NXPH1: variants seen among roughly 807,000 people sequenced by gnomAD.
NXPH1 encodes the protein neurexophilin 1, also known as neurexophilin-1.
In NXPH1, 5 loss-of-function variants were observed where a neutral mutation model predicts 23.7. That is an observed-to-expected ratio of 0.21 (90% CI 0.11 to 0.44). NXPH1 has a LOEUF of 0.44. Among genes scored for constraint, NXPH1 ranks in the 20% least tolerant of loss-of-function variants. The pLI is 0.99. For synonymous variants in NXPH1, 144 were observed against 122.2 expected, an observed-to-expected ratio of 1.18 and a Z score of -1.18; for missense variants, 324 against 321.6, an observed-to-expected ratio of 1.01 and a Z score of -0.06.
At chr7:8,688,939 T>C (rs1271116529) in intron 2 of NXPH1, among the ~76,000 whole-genome samples, 5 of 152,146 alleles carry the variant, frequency 3.3e-5, no homozygotes, top group Non-Finnish European at 5.9e-5. Context: ...TCTGTTAATG[T>C]TTCTAGGTAC....
At chr7:8,519,969 GA>G (rs1296889436) in intron 2 of NXPH1, among the ~76,000 whole-genome samples, 1 of 152,054 alleles carries the variant, frequency 6.6e-6, no homozygotes, top group African/African-American at 2.4e-5. Context: ...AGTAGCTACA[GA>G]TAAATTTCTA....
chr7:8,550,801 T>C (rs1235362167), intron 2 of NXPH1, among the ~76,000 whole-genome samples: 2 of 151,522 alleles, frequency 1.3e-5, no homozygotes, highest in African/African-American at 2.4e-5. Flanking sequence ...GGTTGTTACA[T>C]ATTTTTAAAT....
chr7:8,642,944 A>C (rs1280636688), intron 2 of NXPH1, among the ~76,000 whole-genome samples: 1 of 151,932 alleles, frequency 6.6e-6, no homozygotes, highest in Non-Finnish European at 1.5e-5. Context: ...GGTTCACCAC[A>C]ACCTCCATCT....
intron 2 of NXPH1, among the ~76,000 whole-genome samples, chr7:8,572,688 A>C (rs997131260): frequency 1.2e-4 from 19 of 152,098 alleles, no homozygotes; most frequent in Admixed American, 4.6e-4. Context: ...CATCTAATAC[A>C]TAATGGAAAC....
chr7:8,750,252 T>G (rs912311884), intron 2 of NXPH1, among the ~76,000 whole-genome samples: 2 of 152,338 alleles, frequency 1.3e-5, no homozygotes, highest in East Asian at 3.9e-4. Context: ...CTAATATGAC[T>G]GTAATATGGA....
At chr7:8,710,135 T>C (rs111654913) in intron 2 of NXPH1, among the ~76,000 whole-genome samples, 5,376 of 152,274 alleles carry the variant, frequency 0.035, 249 homozygotes, top group African/African-American at 0.11. Context: ...AGCATCAGAA[T>C]TGGTTTTAAG....
chr7:8,748,447 A>G (rs1780509068), intron 2 of NXPH1, among the ~76,000 whole-genome samples: 1 of 152,184 alleles, frequency 6.6e-6, no homozygotes, highest in Non-Finnish European at 1.5e-5. Flanking sequence ...ATTTGACTCC[A>G]CAGCAGGGTG....
chr7:8,672,416 C>T lies in NXPH1; in HGVS notation c.55-78592C>T, dbSNP rs980008190. On this transcript the variant is annotated intron_variant, in intron 2 of 2. Transcript: ENST00000405863. ...AGCACACCAGTATGGCACATGTATA[C>T]ATATGTAACTAACCTGCACATTGTG... 2.0e-4 allele frequency among the ~76,000 whole-genome samples: 31 copies of T among 151,828 alleles called. 2 individuals carry two copies. The highest frequency in any genetic ancestry group is 7.0e-4 in the African/African-American group (29 of 41,370).
intron 2 of NXPH1, among the ~76,000 whole-genome samples, chr7:8,680,094 C>T (rs1821027919): frequency 6.6e-6 from 1 of 152,254 alleles, no homozygotes; most frequent in African/African-American, 2.4e-5. Flanking sequence ...GACCTGATTA[C>T]TCTCATCAAC....
chr7:8,646,471 TA>T (rs1820401766), intron 2 of NXPH1, among the ~76,000 whole-genome samples: 1 of 152,184 alleles, frequency 6.6e-6, no homozygotes, highest in South Asian at 2.1e-4. Flanking sequence ...TCTTGTCTGA[TA>T]TTCCTGGCTA....
chr7:8,571,494 T>TTTCTTGC (rs1489057059), intron 2 of NXPH1, among the ~76,000 whole-genome samples: 39 of 151,788 alleles, frequency 2.6e-4, no homozygotes, highest in African/African-American at 9.4e-4. Flanking sequence ...ACATGGAAGA[T>TTTCTTGC]CCATAAGAAA....
intron 2 of NXPH1, among the ~76,000 whole-genome samples, chr7:8,629,632 C>T (rs906654130): frequency 3.9e-5 from 6 of 152,094 alleles, no homozygotes; most frequent in Admixed American, 3.9e-4. Context: ...GGAAATAACT[C>T]CATAGTATTG....
intron 2 of NXPH1, among the ~76,000 whole-genome samples, chr7:8,702,039 GAA>G (rs57766744): frequency 0.35 from 49,563 of 142,804 alleles, 8,404 homozygotes; most frequent in East Asian, 0.46. Flanking sequence ...CCCAATTAAA[GAA>G]AAAAAAAAAA....
Position 8,751,599 on chromosome 7 carries a change from A to G in NXPH1, c.646A>G (p.Lys216Glu). The G allele has an allele frequency of 6.2e-7, 1 of 1,613,632 alleles. No homozygotes were observed. Among genetic ancestry groups the G allele is most frequent in the Non-Finnish European group, 8.5e-7 (1 of 1,179,772 alleles). ...CACACTCTGCAACTATGACCCTTCA[A>G]AAACCTGTTACCAGGAGCAAACCCA... ...KNTLCNYDPS[K>E]TCYQEQTQSH... Residue 216 changes from lysine (K) to glutamate (E), a missense_variant, in exon 3 of 3, where the codon AAA (lysine) becomes GAA (glutamate). Coordinates refer to ENST00000405863, the MANE Select transcript of NXPH1 (RefSeq NM_152745.3). This position sits in a 1 kb window ranked among gnomAD's most constrained non-coding sequence, Gnocchi z 4.5.
At chr7:8,549,178 C>T (rs566798689) in intron 2 of NXPH1, among the ~76,000 whole-genome samples, 19 of 151,602 alleles carry the variant, frequency 1.3e-4, no homozygotes, top group African/African-American at 4.6e-4. Flanking sequence ...AACCCAGACC[C>T]TGGATTTCAT....
chr7:8,615,868 A>C (rs995819930), intron 2 of NXPH1, among the ~76,000 whole-genome samples: 7 of 152,090 alleles, frequency 4.6e-5, no homozygotes, highest in African/African-American at 1.7e-4. Flanking sequence ...AGCATATAGG[A>C]GATTGGAAAG....
At chr7:8,506,798 G>A (rs1464685672) in intron 2 of NXPH1, among the ~76,000 whole-genome samples, 1 of 152,020 alleles carries the variant, frequency 6.6e-6, no homozygotes, top group Non-Finnish European at 1.5e-5. Flanking sequence ...AGGGTACATG[G>A]AACATTACAA....
chr7:8,661,186 TC>T lies in NXPH1; in HGVS notation c.55-89820del, dbSNP rs373704429. Among the ~76,000 whole-genome samples the T allele has an allele frequency of 6.8e-3, 1,040 of 152,326 alleles. 14 individuals carry two copies. Among genetic ancestry groups the T allele is most frequent in the African/African-American group, 0.024 (995 of 41,576 alleles). On this transcript the variant is annotated intron_variant, in intron 2 of 2. Transcript: ENST00000405863. ...CAGAATATTTCACCAATTTATTTTA[TC>T]CTTAAAATGCATTTGAAACTTTTTG... is the stretch of plus-strand genomic sequence containing the variant.
chr7:8,590,836 G>T (rs1006286609), intron 2 of NXPH1, among the ~76,000 whole-genome samples: 2 of 151,938 alleles, frequency 1.3e-5, no homozygotes, highest in African/African-American at 2.4e-5. Context: ...TGGTATTGAG[G>T]AATAATGTCA....
Sources: allele counts gnomAD v4.1 joint callset (sites outside exome capture counted in the v4.1 genomes callset), GRCh38; gene constraint gnomAD v4.1.1; non-coding constraint Gnocchi (gnomAD v3.1); transcripts MANE v1.5; gene names NCBI Gene and HGNC (gene_info 2026-07-23, HGNC 2026-07-21).